Variants in ZYG11B observed in about 807,000 individuals in gnomAD.
ZYG11B encodes protein zyg-11 homolog B.
A neutral mutation model predicts 82.4 loss-of-function variants in ZYG11B; 36 were observed. The observed-to-expected ratio is 0.44, with a 90% confidence interval of 0.33 to 0.58. The LOEUF (loss-of-function observed/expected upper bound fraction) is 0.58. ZYG11B is among the 20% of genes least tolerant of loss of function. The probability of loss-of-function intolerance (pLI) is 0.02; values close to 1 mark genes in which losing one functional copy is unlikely to be tolerated. For missense variants in ZYG11B, 552 were observed against 895.6 expected (o/e 0.62, Z 4.90); for synonymous variants, 303 against 312.8 (o/e 0.97, Z 0.33).
intron 2 of ZYG11B, among the ~76,000 whole-genome samples, chr1:52,761,448 T>C (rs1644630711): frequency 6.6e-6 from 1 of 152,246 alleles, no homozygotes; most frequent in Non-Finnish European, 1.5e-5. Flanking sequence ...TTTAACTTTC[T>C]GCTCCTGGCT....
chr1:52,741,349 AAAC>A (rs1644430408), intron 1 of ZYG11B, among the ~76,000 whole-genome samples: 1 of 151,794 alleles, frequency 6.6e-6, no homozygotes, highest in African/African-American at 2.4e-5. Flanking sequence ...TTAAAAACCC[AAAC>A]AACTAAGAGG....
At chr1:52,808,851 A>AT (rs1645162081) in intron 10 of ZYG11B, among the ~76,000 whole-genome samples, 2 of 151,534 alleles carry the variant, frequency 1.3e-5, no homozygotes, top group Non-Finnish European at 2.9e-5. Context: ...TCAGTTCAAT[A>AT]TTTTTTTTCA....
chr1:52,735,709 G>T (rs1644373307), intron 1 of ZYG11B, among the ~76,000 whole-genome samples: 1 of 151,932 alleles, frequency 6.6e-6, no homozygotes, highest in African/African-American at 2.4e-5. Context: ...GCTAATTTTT[G>T]TATTTTTTAG....
At chr1:52,801,669 T>C (rs1051109809) in intron 8 of ZYG11B, 150 bp from the exon 9 acceptor site, 34 of 569,742 alleles carry the variant, frequency 6.0e-5, no homozygotes, top group Non-Finnish European at 9.0e-5. Context: ...TGAAGAAAAG[T>C]TCAGTCCAAG....
At chr1:52,778,116 A>T (rs1277556365) in intron 3 of ZYG11B, among the ~76,000 whole-genome samples, 1 of 152,184 alleles carries the variant, frequency 6.6e-6, no homozygotes. Context: ...TTATAATTTT[A>T]TGACCCAACT....
chr1:52,797,445 T>TA (rs1645033946), intron 8 of ZYG11B, among the ~76,000 whole-genome samples: 4 of 108,416 alleles, frequency 3.7e-5, no homozygotes, highest in South Asian at 5.3e-4. Context: ...AACATATATA[T>TA]TATATATCAT....
At chr1:52,809,013 T>G (rs1349678337) in intron 10 of ZYG11B, among the ~76,000 whole-genome samples, 2 of 152,222 alleles carry the variant, frequency 1.3e-5, no homozygotes, top group African/African-American at 4.8e-5. Context: ...AATAACTCTT[T>G]TAATATCCTA....
intron 1 of ZYG11B, among the ~76,000 whole-genome samples, chr1:52,752,065 A>G (rs1005905703): frequency 4.6e-5 from 7 of 151,930 alleles, no homozygotes; most frequent in African/African-American, 1.7e-4. Context: ...CAGCATTAAC[A>G]TAGACCTCAC....
intron 3 of ZYG11B, among the ~76,000 whole-genome samples, chr1:52,779,362 T>G (rs1644835996): frequency 6.6e-6 from 1 of 152,208 alleles, no homozygotes; most frequent in Non-Finnish European, 1.5e-5. Context: ...TCTGAGCCTA[T>G]CTAATATACA....
At chr1:52,810,100 C>A (rs1284491336) in intron 10 of ZYG11B, among the ~76,000 whole-genome samples, 1 of 152,080 alleles carries the variant, frequency 6.6e-6, no homozygotes, top group Admixed American at 6.6e-5. Context: ...TCACTTTGAT[C>A]ACTTGCTTTT....
chr1:52,790,462 G>A (rs1343754933), intron 6 of ZYG11B, among the ~76,000 whole-genome samples: 1 of 152,134 alleles, frequency 6.6e-6, no homozygotes, highest in Non-Finnish European at 1.5e-5. Context: ...CAGGCACAGT[G>A]GCTCATGCCT....
intron 3 of ZYG11B, among the ~76,000 whole-genome samples, chr1:52,776,140 A>T (rs1644803746): frequency 1.4e-5 from 2 of 146,276 alleles, no homozygotes; most frequent in African/African-American, 5.0e-5. Flanking sequence ...AATTGCTTGA[A>T]CCCAGGAGGT....
At chr1:52,807,630 T>C (rs539799930) in intron 10 of ZYG11B, among the ~76,000 whole-genome samples, 34 of 151,914 alleles carry the variant, frequency 2.2e-4, no homozygotes, top group South Asian at 1.5e-3. Context: ...TAGTTGGAAT[T>C]ATAGGCGCAC....
intron 10 of ZYG11B, among the ~76,000 whole-genome samples, chr1:52,806,535 T>C (rs190850404): frequency 3.3e-4 from 50 of 152,256 alleles, no homozygotes; most frequent in South Asian, 1.7e-3. Context: ...TATGTCCTCC[T>C]GTTTAATGGA....
At chr1:52,767,223 T>A (rs571171829) in intron 2 of ZYG11B, among the ~76,000 whole-genome samples, 9 of 151,452 alleles carry the variant, frequency 5.9e-5, no homozygotes, top group African/African-American at 1.9e-4. Flanking sequence ...TATGTTATTT[T>A]ATTTTGTTAT....
intron 2 of ZYG11B, among the ~76,000 whole-genome samples, chr1:52,765,304 G>T (rs1644672964): frequency 6.6e-6 from 1 of 152,032 alleles, no homozygotes; most frequent in African/African-American, 2.4e-5. Context: ...CTGGACTCAA[G>T]CAGTCCTCCT....
intron 10 of ZYG11B, among the ~76,000 whole-genome samples, chr1:52,812,136 G>A (rs1005179217): frequency 1.3e-5 from 2 of 151,542 alleles, no homozygotes; most frequent in Non-Finnish European, 2.9e-5. Context: ...TTAAGTCCTT[G>A]TCTGCTAATT....
At chr1:52,770,093 T>TATATA (rs386366954) in intron 2 of ZYG11B, among the ~76,000 whole-genome samples, 1,440 of 56,258 alleles carry the variant, frequency 0.026, 8 homozygotes, top group Non-Finnish European at 0.042. Flanking sequence ...TATATATATA[T>TATATA]TTTTTTTTTT....
chr1:52,779,402 A>G (rs1644836230), intron 3 of ZYG11B, among the ~76,000 whole-genome samples: 1 of 152,232 alleles, frequency 6.6e-6, no homozygotes, highest in South Asian at 2.1e-4. Context: ...GCTGTTTAAG[A>G]TGACTAATCT....
Sources: allele counts gnomAD v4.1 joint callset (sites outside exome capture counted in the v4.1 genomes callset), GRCh38; gene constraint gnomAD v4.1.1; transcripts MANE v1.5; gene names NCBI Gene and HGNC (gene_info 2026-07-23, HGNC 2026-07-21).